MIS18A: variants seen among roughly 807,000 people sequenced by gnomAD.
MIS18A encodes the protein protein Mis18-alpha.
A neutral mutation model predicts 25.0 loss-of-function variants in MIS18A; 14 were observed. The ratio of observed to expected loss-of-function variants is 0.56; its 90% CI spans 0.37 to 0.88. MIS18A has a LOEUF of 0.88. Among genes scored for constraint, MIS18A ranks in the 40% least tolerant of loss-of-function variants. MIS18A has a pLI of 0.00. For missense variants in MIS18A, 292 were observed against 290.8 expected (o/e 1.00, Z -0.03); for synonymous variants, 134 against 118.6 (o/e 1.13, Z -0.84).
the MIS18A span, among the ~76,000 whole-genome samples, chr21:32,217,102 G>GTTTTT: frequency 6.6e-6 from 1 of 151,956 alleles, no homozygotes; most frequent in African/African-American, 2.4e-5. Flanking sequence ...GAAACAAAAA[G>GTTTTT]TATGACCCAT....
chr21:32,184,144 C>A, the MIS18A span, among the ~76,000 whole-genome samples: 1 of 152,202 alleles, frequency 6.6e-6, no homozygotes, highest in Admixed American at 6.5e-5. Context: ...ATCACAACTG[C>A]CACCTGGGCA....
At chr21:32,168,960 C>G in the MIS18A span, among the ~76,000 whole-genome samples, 1 of 152,026 alleles carries the variant, frequency 6.6e-6, no homozygotes, top group Non-Finnish European at 1.5e-5. Context: ...ATTGATGGGG[C>G]CCTCCAAAAT....
chr21:32,218,992 C>T, the MIS18A span, among the ~76,000 whole-genome samples: 3 of 150,700 alleles, frequency 2.0e-5, no homozygotes, highest in East Asian at 3.9e-4. Context: ...TGCTCGAACC[C>T]GGGAGGCAGA....
chr21:32,218,259 CAAGA>C, the MIS18A span, among the ~76,000 whole-genome samples: 2 of 143,824 alleles, frequency 1.4e-5, no homozygotes, highest in Non-Finnish European at 3.1e-5. Context: ...ACCTAAACTA[CAAGA>C]AATACTAAAG....
chr21:32,211,589 T>C, the MIS18A span, among the ~76,000 whole-genome samples: 2 of 152,194 alleles, frequency 1.3e-5, no homozygotes, highest in Non-Finnish European at 2.9e-5. Flanking sequence ...GTGTCCTCCC[T>C]GCCACCACTG....
At chr21:32,188,215 C>T in the MIS18A span, among the ~76,000 whole-genome samples, 1 of 152,200 alleles carries the variant, frequency 6.6e-6, no homozygotes, top group African/African-American at 2.4e-5. Flanking sequence ...GCAGCCCAAG[C>T]TGACGAAGAC....
the MIS18A span, among the ~76,000 whole-genome samples, chr21:32,190,445 T>C: frequency 6.6e-6 from 1 of 152,210 alleles, no homozygotes; most frequent in African/African-American, 2.4e-5. Flanking sequence ...TCTGATGAAG[T>C]ACCCAGTTCC....
In MIS18A at chr21:32,268,338, G is replaced by A. The variant is rs942963067; in HGVS notation, c.*699C>T. On this transcript the variant is annotated 3_prime_UTR_variant, in exon 5 of 5. Coordinates refer to ENST00000290130, the MANE Select transcript of MIS18A (RefSeq NM_018944.3). ...CCCCCAGAATCCCACCCTCAGAGAT[G>A]GTTACTCCTCTTTGGTAAGTATTCC... is the stretch of plus-strand genomic sequence containing the variant. The A allele has an allele frequency of 6.6e-6, 1 of 152,166 alleles. No individual in the cohort carries two copies. Among genetic ancestry groups the A allele is most frequent in the East Asian group, 1.9e-4 (1 of 5,192 alleles). The allele number at this position is 152,166 out of a possible 1,614,324, so 9.4% of individuals were successfully genotyped here.
At chr21:32,278,646 C>T (rs1362800151) in intron 1 of MIS18A, 35 bp downstream of exon 1, 1 of 1,469,830 alleles carries the variant, frequency 6.8e-7, no homozygotes, top group South Asian at 1.4e-5. Context: ...AGAAGGCGAC[C>T]CCACGCCCCC....
At chr21:32,183,054 T>C in the MIS18A span, among the ~76,000 whole-genome samples, 1 of 152,138 alleles carries the variant, frequency 6.6e-6, no homozygotes, top group Non-Finnish European at 1.5e-5. Context: ...AAAGATGATA[T>C]TATAGAAAAG....
the MIS18A span, among the ~76,000 whole-genome samples, chr21:32,256,421 G>T: frequency 2.6e-5 from 4 of 151,982 alleles, no homozygotes; most frequent in Admixed American, 1.3e-4. Flanking sequence ...CTTGAGCCTC[G>T]TGGCTGTCAC....
At chr21:32,247,817 T>C in the MIS18A span, among the ~76,000 whole-genome samples, 1 of 152,182 alleles carries the variant, frequency 6.6e-6, no homozygotes, top group South Asian at 2.1e-4. Flanking sequence ...CGGCTGTGTC[T>C]AAACAAAGCC....
At chr21:32,161,727 GGTGATCT>G in the MIS18A span, among the ~76,000 whole-genome samples, 1 of 134,418 alleles carries the variant, frequency 7.4e-6, no homozygotes, top group Non-Finnish European at 1.5e-5. Context: ...CCTGATCTCA[GGTGATCT>G]GCCCACCTTG....
At chr21:32,278,595 C>T (rs2031863299) in intron 1 of MIS18A, 86 bp downstream of exon 1, 2 of 1,356,062 alleles carry the variant, frequency 1.5e-6, no homozygotes, top group Non-Finnish European at 1.9e-6. Context: ...CCCAAGGAGC[C>T]CCCGCCTCCT....
chr21:32,231,921 CA>C, the MIS18A span, among the ~76,000 whole-genome samples: 7 of 152,036 alleles, frequency 4.6e-5, no homozygotes, highest in Non-Finnish European at 1.0e-4. Context: ...CAAAACAAAA[CA>C]AAACAAAACA....
chr21:32,164,728 G>A, the MIS18A span, among the ~76,000 whole-genome samples: 4,899 of 151,676 alleles, frequency 0.032, 251 homozygotes, highest in African/African-American at 0.11. Context: ...TAGGTTCTGC[G>A]GTCATCTGAA....
At chr21:32,233,742 C>A in the MIS18A span, among the ~76,000 whole-genome samples, 200 of 152,254 alleles carry the variant, frequency 1.3e-3, no homozygotes, top group African/African-American at 4.8e-3. Flanking sequence ...AATGGGATGG[C>A]TAGGGTTCAC....
At chr21:32,275,649 T>C (rs904732376) in intron 1 of MIS18A, among the ~76,000 whole-genome samples, 7 of 152,136 alleles carry the variant, frequency 4.6e-5, no homozygotes, top group Non-Finnish European at 8.8e-5. Context: ...ACATCTGACC[T>C]AAAATGGCCA....
At chr21:32,246,868 T>TTCTC in the MIS18A span, among the ~76,000 whole-genome samples, 2 of 152,178 alleles carry the variant, frequency 1.3e-5, no homozygotes, top group Non-Finnish European at 1.5e-5. Context: ...TCTCTGAGAC[T>TTCTC]TCTCTCCAAA....
Sources: allele counts gnomAD v4.1 joint callset (sites outside exome capture counted in the v4.1 genomes callset), GRCh38; gene constraint gnomAD v4.1.1; transcripts MANE v1.5; gene names NCBI Gene and HGNC (gene_info 2026-07-23, HGNC 2026-07-21).